SGCZ: variants seen among roughly 807,000 people sequenced by gnomAD.
The protein encoded by SGCZ is sarcoglycan zeta.
A neutral mutation model predicts 41.3 loss-of-function variants in SGCZ; 40 were observed. That is an observed-to-expected ratio of 0.97 (90% confidence interval 0.75 to 1.26). SGCZ has a LOEUF of 1.26. SGCZ is among the 50% of genes most tolerant of loss of function. The probability of loss-of-function intolerance (pLI) is 0.00; values close to 1 mark genes in which losing one functional copy is unlikely to be tolerated. For missense variants in SGCZ, 552 were observed against 369.8 expected, an observed-to-expected ratio of 1.49 and a Z score of -4.04; for synonymous variants, 206 against 137.5, an observed-to-expected ratio of 1.50 and a Z score of -3.49.
chr8:14,253,937 C>CGGT (rs1182290560), intron 3 of SGCZ, among the ~76,000 whole-genome samples: 1 of 79,090 alleles, frequency 1.3e-5, no homozygotes, highest in Non-Finnish European at 2.5e-5. Flanking sequence ...CTCACTTGTT[C>CGGT]TGCTTTTCAT....
chr8:14,510,204 T>G (rs1158979491), intron 2 of SGCZ, among the ~76,000 whole-genome samples: 1 of 152,144 alleles, frequency 6.6e-6, no homozygotes, highest in African/African-American at 2.4e-5. Flanking sequence ...TATTAAAAAA[T>G]TCTCCTTTAT....
At chr8:14,630,764 C>A (rs1806621560) in intron 1 of SGCZ, among the ~76,000 whole-genome samples, 1 of 150,808 alleles carries the variant, frequency 6.6e-6, no homozygotes, top group South Asian at 2.1e-4. Context: ...AGCAAACTGT[C>A]ACAAGGACGG....
intron 2 of SGCZ, among the ~76,000 whole-genome samples, chr8:14,328,431 T>C (rs894317912): frequency 6.6e-6 from 1 of 152,192 alleles, no homozygotes; most frequent in Non-Finnish European, 1.5e-5. Context: ...GCCAATCACT[T>C]AACTAATCAC....
chr8:14,714,124 C>T (rs1358440675), intron 1 of SGCZ, among the ~76,000 whole-genome samples: 3 of 151,958 alleles, frequency 2.0e-5, no homozygotes, highest in African/African-American at 4.8e-5. Flanking sequence ...CCCACCACCA[C>T]GCCCAGCTAA....
At chr8:14,919,739 G>A (rs1799536682) in intron 1 of SGCZ, among the ~76,000 whole-genome samples, 1 of 152,034 alleles carries the variant, frequency 6.6e-6, no homozygotes, top group African/African-American at 2.4e-5. Flanking sequence ...CCAACATGGT[G>A]AAACCCCATC....
chr8:15,148,477 G>A (rs1326830952), intron 1 of SGCZ, among the ~76,000 whole-genome samples: 2 of 152,214 alleles, frequency 1.3e-5, no homozygotes, highest in African/African-American at 2.4e-5. Flanking sequence ...CTACTCCATA[G>A]TTAATTAGCA....
intron 1 of SGCZ, among the ~76,000 whole-genome samples, chr8:14,851,186 A>G (rs544250546): frequency 7.9e-5 from 12 of 151,854 alleles, no homozygotes; most frequent in African/African-American, 1.7e-4. Context: ...TGGCTAACAT[A>G]GTGAAACGCT....
intron 1 of SGCZ, among the ~76,000 whole-genome samples, chr8:14,557,888 T>C (rs1804081458): frequency 6.6e-6 from 1 of 151,976 alleles, no homozygotes; most frequent in Non-Finnish European, 1.5e-5. Context: ...GCTGGTTCTT[T>C]GAAAAGATAA....
rs145283909 is a variant in SGCZ, at chr8:14,435,054, A to T, written c.235-110850T>A. Among the ~76,000 whole-genome samples the T allele has an allele frequency of 5.3e-5, 8 of 152,324 alleles. 1 individual carries two copies. The highest frequency in any genetic ancestry group is 1.9e-4 in the African/African-American group (8 of 41,584). Reference sequence around the variant, plus strand: ...ATACTAAAACCAGAATGCTATAATTAGAATGATGTATTTTGCCCTCAAAGT... The same window carrying T: ...ATACTAAAACCAGAATGCTATAATTTGAATGATGTATTTTGCCCTCAAAGT... On this transcript the variant is annotated intron_variant, in intron 2 of 7. Transcript: ENST00000382080.
intron 1 of SGCZ, among the ~76,000 whole-genome samples, chr8:14,854,986 G>C (rs563586584): frequency 6.6e-6 from 1 of 151,078 alleles, no homozygotes; most frequent in Admixed American, 6.6e-5. Context: ...ACTTTATCTG[G>C]TATGCTCTCC....
intron 3 of SGCZ, among the ~76,000 whole-genome samples, chr8:14,287,024 G>A (rs562821969): frequency 1.3e-5 from 2 of 151,984 alleles, no homozygotes; most frequent in Non-Finnish European, 2.9e-5. Flanking sequence ...AGAGTTATCT[G>A]TGATTTCTTT....
Position 14,801,594 on chromosome 8 carries a change from A to G in SGCZ, c.40-246668T>C, listed in dbSNP as rs572800919. On this transcript the variant is annotated intron_variant, in intron 1 of 7. Coordinates refer to ENST00000382080, the MANE Select transcript of SGCZ (RefSeq NM_139167.4). ...GTAAATGGCCAAGGTAAGAACGGAC[A>G]GAGATCAGGGAAACACCATATAGAA... 3.3e-5 allele frequency among the ~76,000 whole-genome samples: 5 copies of G among 152,330 alleles called. No homozygotes were observed. In the East Asian group the frequency reaches 9.7e-4, roughly 29 times the overall value.
At chr8:14,917,621 C>G (rs773063550) in intron 1 of SGCZ, among the ~76,000 whole-genome samples, 1 of 152,130 alleles carries the variant, frequency 6.6e-6, no homozygotes, top group Non-Finnish European at 1.5e-5. Flanking sequence ...AACACAGACT[C>G]TGCCAACTCT....
intron 1 of SGCZ, among the ~76,000 whole-genome samples, chr8:14,745,673 G>A (rs949161577): frequency 2.0e-5 from 3 of 151,608 alleles, no homozygotes; most frequent in Non-Finnish European, 2.9e-5. Context: ...ATACATATAC[G>A]TATCTATATA....
chr8:14,952,954 C>G (rs542856813), intron 1 of SGCZ, among the ~76,000 whole-genome samples: 1 of 152,094 alleles, frequency 6.6e-6, no homozygotes, highest in East Asian at 1.9e-4. Context: ...AATTCTAGAG[C>G]AAGAGAAAAA....
chr8:14,396,562 T>C (rs149796719), intron 2 of SGCZ, among the ~76,000 whole-genome samples: 1 of 152,150 alleles, frequency 6.6e-6, no homozygotes, highest in East Asian at 1.9e-4. Flanking sequence ...TTCTCTTTAC[T>C]AGGGTCTCGG....
At chr8:15,021,822 G>C (rs138760685) in intron 1 of SGCZ, among the ~76,000 whole-genome samples, 3 of 152,200 alleles carry the variant, frequency 2.0e-5, no homozygotes, top group Admixed American at 2.0e-4. Flanking sequence ...AATTAGCATT[G>C]ATGTCTCTGA....
At chr8:14,256,285 A>C (rs1422085710) in intron 3 of SGCZ, among the ~76,000 whole-genome samples, 1 of 152,134 alleles carries the variant, frequency 6.6e-6, no homozygotes, top group African/African-American at 2.4e-5. Flanking sequence ...TGCATGTATG[A>C]GACATAGATT....
At chr8:14,177,546 G>A (rs1186457008) in intron 4 of SGCZ, among the ~76,000 whole-genome samples, 1 of 152,184 alleles carries the variant, frequency 6.6e-6, no homozygotes, top group Non-Finnish European at 1.5e-5. Context: ...GTCTCGTGCT[G>A]TCACCCAGGC....
Sources: allele counts gnomAD v4.1 joint callset (sites outside exome capture counted in the v4.1 genomes callset), GRCh38; gene constraint gnomAD v4.1.1; transcripts MANE v1.5; gene names NCBI Gene and HGNC (gene_info 2026-07-23, HGNC 2026-07-21).